Variants in ARSG observed in about 807,000 individuals in gnomAD.
ARSG encodes the protein ASG.
A neutral mutation model predicts 50.5 loss-of-function variants in ARSG; 37 were observed. That is an observed-to-expected ratio of 0.73 (90% CI 0.56 to 0.96). The LOEUF (loss-of-function observed/expected upper bound fraction) is 0.96. Among genes scored for constraint, ARSG ranks in the 50% least tolerant of loss-of-function variants. The pLI, the probability that ARSG is intolerant of heterozygous loss-of-function variation, is 0.00. For synonymous variants in ARSG, 225 were observed against 254.6 expected (o/e 0.88, Z 1.11); for missense variants, 629 against 675.3 (o/e 0.93, Z 0.76).
chr17:68,338,416 G>A (rs1489327152), intron 2 of ARSG, among the ~76,000 whole-genome samples: 1 of 152,112 alleles, frequency 6.6e-6, no homozygotes, highest in Non-Finnish European at 1.5e-5. Context: ...TGGAGTGGGC[G>A]AGTCTCCCCT....
chr17:68,388,267 C>T (rs190486239), intron 9 of ARSG, among the ~76,000 whole-genome samples: 3 of 152,218 alleles, frequency 2.0e-5, no homozygotes, highest in African/African-American at 7.2e-5. Context: ...GCGTGGTCGG[C>T]ATTTTGGGCT....
chr17:68,450,819 C>T, the ARSG span: 69 of 1,614,130 alleles, frequency 4.3e-5, no homozygotes, highest in East Asian at 2.0e-4. Context: ...GTTCATCTGC[C>T]GTGGTTTTGT....
At chr17:68,296,235 G>C (rs533039053) in intron 1 of ARSG, among the ~76,000 whole-genome samples, 1 of 152,128 alleles carries the variant, frequency 6.6e-6, no homozygotes, top group Non-Finnish European at 1.5e-5. Flanking sequence ...ATTTTGCCCC[G>C]ATCGAGTCAC....
At position 68,399,726 on chromosome 17, in the gene ARSG, A is replaced by C. The variant is rs11870432; in HGVS notation, c.1213-1634A>C. 0.02 allele frequency among the ~76,000 whole-genome samples: 2,977 copies of C among 152,320 alleles called. 37 individuals are homozygous for C. Among genetic ancestry groups the C allele is most frequent in the Non-Finnish European group, 0.031 (2,136 of 68,030 alleles). ...AGTGGGAATATAGCAGCCCACCCTC[A>C]TGGAATTTCTGTGACTGAGACGCAA... On this transcript the variant is annotated intron_variant, in intron 10 of 11. Transcript: ENST00000621439. The surrounding 1 kb of genome is among the most constrained non-coding windows in gnomAD (Gnocchi z 4.6).
At chr17:68,339,981 GA>G (rs1426165613) in intron 2 of ARSG, among the ~76,000 whole-genome samples, 1 of 152,114 alleles carries the variant, frequency 6.6e-6, no homozygotes, top group East Asian at 1.9e-4. Flanking sequence ...AAAGAAAAAA[GA>G]AAATAGATGA....
At chr17:68,436,573 C>T in the ARSG span, 1 of 1,111,122 alleles carries the variant, frequency 9.0e-7, no homozygotes, top group East Asian at 2.5e-5. Flanking sequence ...GCTACAGTGC[C>T]ACCTACTGGC....
At chr17:68,447,901 G>A in the ARSG span, among the ~76,000 whole-genome samples, 949 of 150,982 alleles carry the variant, frequency 6.3e-3, 9 homozygotes, top group Middle Eastern at 0.037. Flanking sequence ...GGTGAGGCAG[G>A]AGAATTGCTT....
At chr17:68,278,569 G>C (rs2075596887) in intron 1 of ARSG, among the ~76,000 whole-genome samples, 1 of 151,750 alleles carries the variant, frequency 6.6e-6, no homozygotes, top group Non-Finnish European at 1.5e-5. Flanking sequence ...CAAGTAGCTG[G>C]GACTACAGGC....
At chr17:68,296,317 T>C (rs548507480) in intron 1 of ARSG, among the ~76,000 whole-genome samples, 2 of 152,138 alleles carry the variant, frequency 1.3e-5, no homozygotes, top group Non-Finnish European at 2.9e-5. Flanking sequence ...AAAAACCTGC[T>C]CTCCTGCTGT....
At chr17:68,273,456 C>T (rs1005868938) in intron 1 of ARSG, among the ~76,000 whole-genome samples, 54 of 152,002 alleles carry the variant, frequency 3.6e-4, no homozygotes, top group Admixed American at 7.9e-4. Flanking sequence ...GCTGGGCTCA[C>T]GTGATCCTCC....
At chr17:68,278,041 A>T in intron 1 of ARSG, 1 of 1,305,042 alleles carries the variant, frequency 7.7e-7, no homozygotes, top group Non-Finnish European at 1.1e-6. Flanking sequence ...TAGCCAAATT[A>T]AAAGGGCCCT....
intron 1 of ARSG, among the ~76,000 whole-genome samples, chr17:68,297,297 A>G (rs1555758676): frequency 6.6e-6 from 1 of 152,262 alleles, no homozygotes; most frequent in African/African-American, 2.4e-5. Context: ...GGAAGGCAGC[A>G]TACTCCAAGG....
intron 1 of ARSG, among the ~76,000 whole-genome samples, chr17:68,280,074 C>T (rs2145087356): frequency 6.7e-6 from 1 of 149,554 alleles, no homozygotes; most frequent in East Asian, 2.0e-4. Flanking sequence ...CCCAGCTACT[C>T]AGGAAGCTGA....
intron 8 of ARSG, among the ~76,000 whole-genome samples, chr17:68,382,352 T>C (rs1367598412): frequency 1.3e-5 from 2 of 152,128 alleles, no homozygotes; most frequent in African/African-American, 2.4e-5. Context: ...ACTTGAGAGG[T>C]TGTCATAAGG....
At chr17:68,322,158 T>G (rs1555770794) in intron 2 of ARSG, among the ~76,000 whole-genome samples, 1 of 152,190 alleles carries the variant, frequency 6.6e-6, no homozygotes, top group South Asian at 2.1e-4. Flanking sequence ...TGAACTGACA[T>G]GTTTTTTCCA....
intron 8 of ARSG, among the ~76,000 whole-genome samples, chr17:68,373,350 C>T (rs1426223369): frequency 1.3e-5 from 2 of 151,898 alleles, no homozygotes; most frequent in African/African-American, 2.4e-5. Flanking sequence ...CTGCCTCAGC[C>T]TTCCTAGTAG....
At chr17:68,408,538 G>T (rs950780680) in intron 11 of ARSG, among the ~76,000 whole-genome samples, 2 of 151,904 alleles carry the variant, frequency 1.3e-5, no homozygotes, top group African/African-American at 4.8e-5. Flanking sequence ...TGGACATTTG[G>T]GTTGGTTCCA....
At chr17:68,377,239 C>T (rs182093763) in intron 8 of ARSG, among the ~76,000 whole-genome samples, 1 of 152,192 alleles carries the variant, frequency 6.6e-6, no homozygotes, top group Non-Finnish European at 1.5e-5. Flanking sequence ...AAGGCATCCC[C>T]GAGGCCAGCC....
At chr17:68,379,717 G>A in intron 8 of ARSG, 1 of 579,322 alleles carries the variant, frequency 1.7e-6, no homozygotes, top group Non-Finnish European at 2.2e-6. Context: ...GTTATGGGCA[G>A]TGTTAGGAAT....
Sources: gnomAD v4.1 joint callset for allele counts (sites outside exome capture counted in the v4.1 genomes callset) on GRCh38, gnomAD v4.1.1 for gene constraint, Gnocchi (gnomAD v3.1) non-coding constraint, MANE v1.5 for transcripts, NCBI Gene and HGNC (gene_info 2026-07-23, HGNC 2026-07-21) for gene names.